SOS1: variants seen among roughly 807,000 people sequenced by gnomAD.
The protein encoded by SOS1 is son of sevenless homolog 1.
In SOS1, 25 loss-of-function variants were observed where a neutral mutation model predicts 157.6. The ratio of observed to expected loss-of-function variants is 0.16; its 90% confidence interval spans 0.12 to 0.22. The LOEUF (loss-of-function observed/expected upper bound fraction) is 0.22. Ranked by LOEUF, SOS1 falls within the 10% of genes least tolerant of loss-of-function variation. The pLI, the probability that SOS1 is intolerant of heterozygous loss-of-function variation, is 1.00. For synonymous variants in SOS1, 528 were observed against 534.0 expected (o/e 0.99, Z 0.16); for missense variants, 1,237 against 1,599.1 (o/e 0.77, Z 3.86).
At chr2:38,997,192 C>T in intron 18 of SOS1, 61 bp downstream of exon 18, 1 of 1,360,636 alleles carries the variant, frequency 7.3e-7, no homozygotes, top group Non-Finnish European at 1.0e-6. Context: ...ATAAACCTGC[C>T]TTTTATTAAG....
intron 20 of SOS1, among the ~76,000 whole-genome samples, chr2:38,989,728 C>G (rs987837117): frequency 6.6e-6 from 1 of 151,970 alleles, no homozygotes; most frequent in Non-Finnish European, 1.5e-5. Context: ...AAAAAAGTTA[C>G]TAATTATATG....
At chr2:39,018,489 T>G (rs1173061036) in intron 10 of SOS1, among the ~76,000 whole-genome samples, 1 of 151,824 alleles carries the variant, frequency 6.6e-6, no homozygotes, top group Admixed American at 6.6e-5. Context: ...GTTATTTTTT[T>G]CTGCTGACCT....
At position 39,088,304 on chromosome 2, in the gene SOS1, G is replaced by A. The variant is rs551901412; in HGVS notation, c.88-20551C>T. Among the ~76,000 whole-genome samples the A allele has an allele frequency of 2.7e-5, 4 of 149,568 alleles. 1 individual carries two copies. The highest frequency in any genetic ancestry group is 4.3e-4 in the South Asian group (2 of 4,686). On this transcript the variant is annotated intron_variant, in intron 1 of 22. Transcript: ENST00000402219. ...TACTTTAGTATGCCTGAGATGGAGCGAAGGAAGTGACTTTTTTTTTCAACT... is the reference window on the plus strand; with the variant it reads ...TACTTTAGTATGCCTGAGATGGAGCAAAGGAAGTGACTTTTTTTTTCAACT...
In SOS1 at chr2:39,010,995, A is replaced by C. The variant is rs1669449860; in HGVS notation, c.2391-292T>G. Among the ~76,000 whole-genome samples, 3 of 149,594 alleles carry C rather than the reference A, an allele frequency of 2.0e-5. No individual in the cohort carries two copies. The South Asian group carries it at 6.3e-4, about 32-fold the overall frequency. The stretch of plus-strand genomic sequence containing the variant: ...ACTGCAACCTCCGCCTCCCAGGTTC[A>C]AGTGATTCTCCTGCCTGAGCCTCTT... On this transcript the variant is annotated intron_variant, in intron 14 of 22. Coordinates refer to ENST00000402219, the MANE Select transcript of SOS1 (RefSeq NM_005633.4).
intron 14 of SOS1, among the ~76,000 whole-genome samples, chr2:39,011,350 G>A (rs1669464298): frequency 6.6e-6 from 1 of 152,044 alleles, no homozygotes; most frequent in South Asian, 2.1e-4. Flanking sequence ...GGGTGACAAA[G>A]TAGACATTTA....
intron 1 of SOS1, among the ~76,000 whole-genome samples, chr2:39,075,812 A>C (rs1439801967): frequency 2.0e-5 from 3 of 152,264 alleles, no homozygotes; most frequent in Non-Finnish European, 1.5e-5. Flanking sequence ...AAAAAGAGAA[A>C]ATTATGAAAA....
At chr2:39,076,770 T>C (rs1461807299) in intron 1 of SOS1, among the ~76,000 whole-genome samples, 2 of 152,158 alleles carry the variant, frequency 1.3e-5, no homozygotes, top group Non-Finnish European at 2.9e-5. Context: ...CTACTCAACA[T>C]TGTCTGGAGG....
At chr2:39,106,115 G>A (rs1673167274) in intron 1 of SOS1, among the ~76,000 whole-genome samples, 1 of 151,800 alleles carries the variant, frequency 6.6e-6, no homozygotes, top group African/African-American at 2.4e-5. Context: ...AGCTACTTCG[G>A]AGGCTGATGT....
intron 6 of SOS1, among the ~76,000 whole-genome samples, chr2:39,045,273 AGTGTGTGTGTGTGTGTGT>A (rs60673777): frequency 3.7e-5 from 4 of 108,048 alleles, no homozygotes; most frequent in Non-Finnish European, 7.7e-5. Context: ...AGAGAGAGAG[AGTGTGTGTGTGTGTGTGT>A]GTGTGTGTGT....
intron 20 of SOS1, among the ~76,000 whole-genome samples, chr2:38,994,664 G>T (rs1319330266): frequency 1.3e-5 from 2 of 152,140 alleles, no homozygotes; most frequent in Non-Finnish European, 2.9e-5. Context: ...CATTTCCTTT[G>T]AGCATTATGT....
intron 5 of SOS1, among the ~76,000 whole-genome samples, chr2:39,052,854 T>C (rs912602401): frequency 7.2e-5 from 11 of 152,300 alleles, no homozygotes; most frequent in Non-Finnish European, 1.2e-4. Flanking sequence ...TTTATTGTTA[T>C]AAAGAACTGC....
Position 39,120,509 on chromosome 2 carries a change from C to T in SOS1, c.-87G>A, listed in dbSNP as rs554621230. The T allele has an allele frequency of 8.2e-7, 1 of 1,221,886 alleles. No homozygotes were observed. Among genetic ancestry groups the T allele is most frequent in the African/African-American group, 1.6e-5 (1 of 62,238 alleles). 75.7% of individuals were successfully genotyped at this position (1,221,886 alleles called of 1,614,324 possible). A position where few individuals can be genotyped will look rare whatever the true frequency, so the allele number is the denominator to read the frequency against. On this transcript the variant is annotated 5_prime_UTR_variant, in exon 1 of 23. Transcript: ENST00000402219. ...GAGAGGGCGAGCTCGCAGCGCGGAA[C>T]AGGGCCGCGGCCCCACCGGACGGCC...
intron 6 of SOS1, among the ~76,000 whole-genome samples, chr2:39,039,322 G>A (rs967318852): frequency 6.6e-6 from 1 of 152,162 alleles, no homozygotes. Context: ...GTGCACATAT[G>A]CATGAATATT....
upstream of SOS1, among the ~76,000 whole-genome samples, chr2:39,122,447 T>TACACACACAC (rs70954783): frequency 0.03 from 4,282 of 142,180 alleles, 219 homozygotes; most frequent in African/African-American, 0.11. Context: ...AAAAAAAATA[T>TACACACACAC]ACACACACAC....
chr2:39,093,963 T>C (rs1672680887), intron 1 of SOS1, among the ~76,000 whole-genome samples: 1 of 152,208 alleles, frequency 6.6e-6, no homozygotes, highest in East Asian at 1.9e-4. Context: ...AAAAAGCTGT[T>C]ACATACCTTA....
chr2:39,033,873 G>A (rs1393549337), intron 8 of SOS1, among the ~76,000 whole-genome samples: 1 of 151,534 alleles, frequency 6.6e-6, no homozygotes, highest in Non-Finnish European at 1.5e-5. Flanking sequence ...ACGGCCTTAA[G>A]ATTTTATATG....
intron 6 of SOS1, among the ~76,000 whole-genome samples, chr2:39,037,836 C>T (rs1214702387): frequency 2.0e-5 from 3 of 152,050 alleles, no homozygotes; most frequent in Non-Finnish European, 2.9e-5. Flanking sequence ...ATAAATGCAA[C>T]AGCAAAGCCT....
At chr2:39,045,273 A>AGAGTGTGTGT (rs138343013) in intron 6 of SOS1, among the ~76,000 whole-genome samples, 1,360 of 108,092 alleles carry the variant, frequency 0.013, 20 homozygotes, top group African/African-American at 0.02. Context: ...AGAGAGAGAG[A>AGAGTGTGTGT]GTGTGTGTGT....
At chr2:39,038,748 A>AAAAAAAAAAAAAAAAAAAAAAAATAAAT (rs1670448330) in intron 6 of SOS1, among the ~76,000 whole-genome samples, 1 of 147,638 alleles carries the variant, frequency 6.8e-6, no homozygotes, top group South Asian at 2.1e-4. Flanking sequence ...AAAAAAAAAA[A>AAAAAAAAAAAAAAAAAAAAAAAATAAAT]GTCGTTTCTT....
Sources: gnomAD v4.1 joint callset for allele counts (sites outside exome capture counted in the v4.1 genomes callset) on GRCh38, gnomAD v4.1.1 for gene constraint, MANE v1.5 for transcripts, NCBI Gene and HGNC (gene_info 2026-07-23, HGNC 2026-07-21) for gene names.